Variants in RIMKLB observed in about 807,000 individuals in gnomAD.
RIMKLB encodes beta-citrylglutamate synthase B.
Under a neutral mutation model 32.0 loss-of-function variants are expected in RIMKLB, and 7 were observed. That is an observed-to-expected ratio of 0.22 (90% confidence interval 0.12 to 0.41). The LOEUF is 0.41. RIMKLB is among the 10% of genes least tolerant of loss of function. The probability of loss-of-function intolerance (pLI) is 1.00; values close to 1 mark genes in which losing one functional copy is unlikely to be tolerated. For synonymous variants in RIMKLB, 172 were observed against 185.1 expected, an observed-to-expected ratio of 0.93 and a Z score of 0.57; for missense variants, 289 against 498.7, an observed-to-expected ratio of 0.58 and a Z score of 4.00.
chr12:8,675,740 T>C, the RIMKLB span, among the ~76,000 whole-genome samples: 1 of 152,144 alleles, frequency 6.6e-6, no homozygotes, highest in Non-Finnish European at 1.5e-5. Flanking sequence ...GCAAACTGAT[T>C]GGTTATAAAA....
At chr12:8,706,206 C>T (rs762672423) in intron 1 of RIMKLB, among the ~76,000 whole-genome samples, 2 of 152,156 alleles carry the variant, frequency 1.3e-5, no homozygotes, top group East Asian at 3.9e-4. Context: ...ATGGTGCGAT[C>T]TCAGCTCACT....
At chr12:8,760,715 A>C (rs1408371498) in intron 5 of RIMKLB, among the ~76,000 whole-genome samples, 2 of 152,126 alleles carry the variant, frequency 1.3e-5, no homozygotes, top group Admixed American at 1.3e-4. Context: ...GCATTTTTTC[A>C]TGTGTATGTT....
chr12:8,704,156 C>T (rs896353524), intron 1 of RIMKLB, among the ~76,000 whole-genome samples: 1 of 152,114 alleles, frequency 6.6e-6, no homozygotes, highest in South Asian at 2.1e-4. Context: ...CTGAGGCAGG[C>T]GGATCATTTG....
chr12:8,670,106 A>G, the RIMKLB span, among the ~76,000 whole-genome samples: 1 of 151,620 alleles, frequency 6.6e-6, no homozygotes, highest in Non-Finnish European at 1.5e-5. Context: ...CTCCCACAAC[A>G]TGTGGGAATT....
chr12:8,743,609 T>C lies in RIMKLB; in HGVS notation c.176-6253T>C, dbSNP rs1238851537. Reference sequence around the variant, plus strand: ...AGTTTATGGTAGGTCATATGAGGAGTTCCCCCACTTAATTATGGGGAGGGA... The same window carrying C: ...AGTTTATGGTAGGTCATATGAGGAGCTCCCCCACTTAATTATGGGGAGGGA... On this transcript the variant is annotated intron_variant, in intron 2 of 5. Transcript: ENST00000535829. Among the ~76,000 whole-genome samples, 31 of 151,712 alleles carry C rather than the reference T, an allele frequency of 2.0e-4. 1 individual carries two copies.
the RIMKLB span, among the ~76,000 whole-genome samples, chr12:8,671,751 T>A: frequency 0.14 from 21,229 of 151,764 alleles, 2,041 homozygotes; most frequent in African/African-American, 0.27. Context: ...TCTCTACTAA[T>A]AAAATACAAA....
intron 1 of RIMKLB, among the ~76,000 whole-genome samples, chr12:8,684,904 T>C (rs767692617): frequency 6.6e-6 from 1 of 152,358 alleles, no homozygotes; most frequent in Admixed American, 6.5e-5. Flanking sequence ...ATTACAGGCG[T>C]GAGCAACCGC....
intron 2 of RIMKLB, among the ~76,000 whole-genome samples, chr12:8,717,652 A>G (rs766835205): frequency 7.9e-4 from 121 of 152,340 alleles, no homozygotes; most frequent in African/African-American, 2.6e-3. Context: ...TGTTCATAGT[A>G]TATCTGACAT....
chr12:8,688,499 A>C (rs778266786), intron 1 of RIMKLB, among the ~76,000 whole-genome samples: 1 of 152,188 alleles, frequency 6.6e-6, no homozygotes, highest in Admixed American at 6.5e-5. Context: ...GCAGAAAGAA[A>C]AACAACACAT....
intron 1 of RIMKLB, among the ~76,000 whole-genome samples, chr12:8,701,671 A>T (rs1202872085): frequency 2.0e-5 from 3 of 148,996 alleles, no homozygotes; most frequent in Non-Finnish European, 3.0e-5. Context: ...TTTTAAGAGA[A>T]CCCGAAAACA....
At chr12:8,758,558 GT>G (rs1229016653) in intron 5 of RIMKLB, among the ~76,000 whole-genome samples, 1 of 152,064 alleles carries the variant, frequency 6.6e-6, no homozygotes, top group Admixed American at 6.6e-5. Context: ...CCCTTTTAAT[GT>G]CAAGCATATT....
intron 2 of RIMKLB, among the ~76,000 whole-genome samples, chr12:8,716,725 C>CTTTTTTTTTTTTTTTTTTTTTTT (rs71451981): frequency 1.1e-5 from 1 of 95,158 alleles, no homozygotes; most frequent in African/African-American, 4.0e-5. Context: ...TCTTTTCCTT[C>CTTTTTTTTTTTTTTTTTTTTTTT]TTTTTTTTTT....
chr12:8,701,018 A>C (rs1334828507), intron 1 of RIMKLB, among the ~76,000 whole-genome samples: 4 of 152,140 alleles, frequency 2.6e-5, no homozygotes, highest in African/African-American at 9.7e-5. Flanking sequence ...GTGAGCCGAA[A>C]TTTTATCACT....
intron 2 of RIMKLB, among the ~76,000 whole-genome samples, chr12:8,746,833 T>C (rs187624777): frequency 3.9e-4 from 59 of 152,270 alleles, no homozygotes; most frequent in Admixed American, 3.2e-3. Context: ...CTTAAACTCC[T>C]GGGCTCAAAT....
At chr12:8,734,154 C>G (rs1342460396) in intron 2 of RIMKLB, among the ~76,000 whole-genome samples, 1 of 152,026 alleles carries the variant, frequency 6.6e-6, no homozygotes, top group Non-Finnish European at 1.5e-5. Context: ...TTACCTAGGC[C>G]TAATGGTACC....
At chr12:8,710,385 A>G (rs976369976) in intron 1 of RIMKLB, among the ~76,000 whole-genome samples, 1 of 146,184 alleles carries the variant, frequency 6.8e-6, no homozygotes, top group Non-Finnish European at 1.5e-5. Flanking sequence ...TCCACTCACT[A>G]CAACCTCCGC....
At chr12:8,739,062 T>A (rs1433943951) in intron 2 of RIMKLB, among the ~76,000 whole-genome samples, 1 of 152,236 alleles carries the variant, frequency 6.6e-6, no homozygotes, top group African/African-American at 2.4e-5. Flanking sequence ...TCTGAAAGTC[T>A]TGCTTCTAGA....
Position 8,698,187 on chromosome 12 carries a change from C to G in RIMKLB, c.-167C>G, listed in dbSNP as rs1341265493. Reference sequence around the variant, plus strand: ...GAGGCGGCTCCCGGTATCCCGACCCCCTCCCCCTCCTCTCCTTCCCCCACT... The same window carrying G: ...GAGGCGGCTCCCGGTATCCCGACCCGCTCCCCCTCCTCTCCTTCCCCCACT... On this transcript the variant is annotated 5_prime_UTR_variant, in exon 1 of 6. Transcript: ENST00000535829. 2 of 349,138 alleles carry G rather than the reference C, an allele frequency of 5.7e-6. No homozygotes were observed. The highest frequency in any genetic ancestry group is 1.2e-5 in the Non-Finnish European group (2 of 172,168). The allele number at this position is 349,138 out of a possible 1,614,324, so 21.6% of individuals were successfully genotyped here.
the RIMKLB span, among the ~76,000 whole-genome samples, chr12:8,671,572 A>G: frequency 3.3e-5 from 5 of 151,758 alleles, no homozygotes; most frequent in African/African-American, 1.2e-4. Flanking sequence ...TCTATTGCAC[A>G]GTCAGGTTGC....
Sources: allele counts gnomAD v4.1 joint callset (sites outside exome capture counted in the v4.1 genomes callset), GRCh38; gene constraint gnomAD v4.1.1; transcripts MANE v1.5; gene names NCBI Gene and HGNC (gene_info 2026-07-23, HGNC 2026-07-21).